Variants in STPG2 observed in about 807,000 individuals in gnomAD.
STPG2 encodes sperm tail PG-rich repeat containing 2, also known as sperm-tail PG-rich repeat-containing protein 2.
In STPG2, 56 loss-of-function variants were observed where a neutral mutation model predicts 54.2. That is an observed-to-expected ratio of 1.03 (90% CI 0.83 to 1.29). STPG2 has a LOEUF of 1.29. Among genes scored for constraint, STPG2 ranks in the 50% most tolerant of loss-of-function variants. The pLI is 0.00. For synonymous variants in STPG2, 200 were observed against 181.8 expected (o/e 1.10, Z -0.81); for missense variants, 596 against 544.9 (o/e 1.09, Z -0.93).
intron 5 of STPG2, among the ~76,000 whole-genome samples, chr4:98,021,089 T>C (rs1014385619): frequency 6.6e-6 from 1 of 152,082 alleles, no homozygotes; most frequent in African/African-American, 2.4e-5. Context: ...CTTGCTTTTC[T>C]AGTTCTTTTA....
chr4:97,762,587 GA>G, intron 9 of STPG2, among the ~76,000 whole-genome samples: 1 of 152,168 alleles, frequency 6.6e-6, no homozygotes, highest in East Asian at 1.9e-4. Context: ...TGCCTCAGGG[GA>G]AAACATACAG....
intron 8 of STPG2, among the ~76,000 whole-genome samples, chr4:97,845,565 C>T (rs1269056439): frequency 1.3e-5 from 2 of 152,110 alleles, no homozygotes; most frequent in Non-Finnish European, 2.9e-5. Context: ...GTTAATTAAA[C>T]ATTTTAAAAC....
intron 8 of STPG2, among the ~76,000 whole-genome samples, chr4:97,925,715 T>C (rs1390508786): frequency 6.6e-6 from 1 of 152,174 alleles, no homozygotes; most frequent in Non-Finnish European, 1.5e-5. Context: ...TTGATTCTTA[T>C]TCAGCTGAAA....
At chr4:97,923,239 C>CG (rs1356800631) in intron 8 of STPG2, among the ~76,000 whole-genome samples, 6 of 152,280 alleles carry the variant, frequency 3.9e-5, no homozygotes, top group South Asian at 4.1e-4. Context: ...CCTCAGCCTG[C>CG]GGGGGGGTGT....
chr4:97,879,664 T>C (rs993918989), intron 8 of STPG2, among the ~76,000 whole-genome samples: 3 of 152,134 alleles, frequency 2.0e-5, no homozygotes, highest in African/African-American at 4.8e-5. Context: ...TAAGATTTGG[T>C]TGTGGACACA....
chr4:97,475,722 AC>A (rs1314414432), intron 4 of STPG2, among the ~76,000 whole-genome samples: 16 of 152,214 alleles, frequency 1.1e-4, no homozygotes, highest in Non-Finnish European at 2.2e-4. Flanking sequence ...TACCATGAAT[AC>A]TTTGACCTTA....
chr4:97,808,852 G>C (rs1413923446), intron 9 of STPG2, among the ~76,000 whole-genome samples: 1 of 151,592 alleles, frequency 6.6e-6, no homozygotes, highest in Non-Finnish European at 1.5e-5. Flanking sequence ...TGCATACACA[G>C]ACTCTCAAGC....
In STPG2 at chr4:97,782,469, G is replaced by A. The variant is rs921729621; in HGVS notation, c.1204+58304C>T. Among the ~76,000 whole-genome samples the A allele has an allele frequency of 4.6e-4, 70 of 152,256 alleles. 1 individual carries two copies. The highest frequency in any genetic ancestry group is 9.1e-4 in the Non-Finnish European group (62 of 68,012). On this transcript the variant is annotated intron_variant, in intron 9 of 10. Coordinates refer to ENST00000295268, the MANE Select transcript of STPG2 (RefSeq NM_174952.3). Reference sequence around the variant, plus strand: ...GAAGAACATTCCATGCTCATGGATAGGAAGAATCAATATTGTGAAAATGGC... The same window carrying A: ...GAAGAACATTCCATGCTCATGGATAAGAAGAATCAATATTGTGAAAATGGC...
chr4:97,955,739 A>C (rs1733650957), intron 7 of STPG2, among the ~76,000 whole-genome samples: 1 of 152,234 alleles, frequency 6.6e-6, no homozygotes, highest in Admixed American at 6.5e-5. Flanking sequence ...GACACATCAA[A>C]GGTTAAAAAC....
intron 4 of STPG2, among the ~76,000 whole-genome samples, chr4:97,523,166 A>C (rs548288758): frequency 6.6e-5 from 10 of 152,100 alleles, no homozygotes; most frequent in Non-Finnish European, 1.5e-4. Flanking sequence ...TATAGCTTAG[A>C]AGCATAATTT....
intron 10 of STPG2, among the ~76,000 whole-genome samples, chr4:97,658,470 T>C (rs1722281121): frequency 6.6e-6 from 1 of 152,280 alleles, no homozygotes; most frequent in South Asian, 2.1e-4. Flanking sequence ...AAGTGTGACA[T>C]AGGTGAAGGA....
At chr4:98,086,575 G>C (rs766295400) in intron 5 of STPG2, among the ~76,000 whole-genome samples, 2 of 142,388 alleles carry the variant, frequency 1.4e-5, no homozygotes, top group African/African-American at 2.6e-5. Flanking sequence ...CTCACTACCT[G>C]AATCCAAATA....
chr4:97,716,097 T>C (rs1724279085), intron 9 of STPG2, among the ~76,000 whole-genome samples: 1 of 152,088 alleles, frequency 6.6e-6, no homozygotes, highest in Non-Finnish European at 1.5e-5. Context: ...AAAAAGCTCA[T>C]CATCACTGGT....
chr4:97,639,163 C>T (rs929696078), intron 10 of STPG2, among the ~76,000 whole-genome samples: 2 of 151,792 alleles, frequency 1.3e-5, no homozygotes, highest in African/African-American at 4.8e-5. Flanking sequence ...TACTATGCAG[C>T]CATAAAAAAT....
chr4:98,082,335 C>T (rs901399489), intron 5 of STPG2, among the ~76,000 whole-genome samples: 7 of 140,202 alleles, frequency 5.0e-5, no homozygotes, highest in Non-Finnish European at 9.4e-5. Flanking sequence ...AGTACTGCCA[C>T]AGACAGGAGA....
chr4:98,097,117 T>G (rs551277027), intron 5 of STPG2, among the ~76,000 whole-genome samples: 4 of 152,198 alleles, frequency 2.6e-5, no homozygotes, highest in Admixed American at 2.6e-4. Flanking sequence ...TCCAAACTCA[T>G]TCTATGAGGC....
At position 98,106,055 on chromosome 4, in the gene STPG2, T is replaced by C; in HGVS notation, c.510A>G (p.Thr170=). ...PGQYDIVQKK[T]SYYENVNIKR... ...TGATGTTAACATTTTCATAATATGA[T>C]GTCTTTTTCCTTCAGAAAATTCAAA... Residue 170 remains threonine, a synonymous_variant, in exon 5 of 11, where the codon ACA becomes ACG. Transcript: ENST00000295268. 6.8e-7 allele frequency: 1 copy of C among 1,471,952 alleles called. No homozygotes were observed. The highest frequency in any genetic ancestry group is 9.2e-7 in the Non-Finnish European group (1 of 1,081,264). 91.2% of individuals were successfully genotyped at this position (1,471,952 alleles called of 1,614,324 possible). A position where few individuals can be genotyped will look rare whatever the true frequency, so the allele number is the denominator to read the frequency against.
chr4:97,574,606 GAA>G (rs1732677983), intron 10 of STPG2, among the ~76,000 whole-genome samples: 1 of 152,006 alleles, frequency 6.6e-6, no homozygotes, highest in Admixed American at 6.6e-5. Flanking sequence ...GCCTTTAGGA[GAA>G]GAGAGGGATT....
Position 97,712,731 on chromosome 4 carries a change from T to G in STPG2, c.1288A>C (p.Lys430Gln). 5.0e-6 allele frequency: 8 copies of G among 1,606,932 alleles called. No individual in the cohort carries two copies. The highest frequency in any genetic ancestry group is 6.8e-6 in the Non-Finnish European group (8 of 1,175,766). The change falls in exon 10 of 11, where the codon AAA (lysine) becomes CAA (glutamine). Residue 430 changes from lysine to glutamine, a missense_variant. Transcript: ENST00000295268. Reference sequence around the variant, plus strand: ...GTTGCTGGGCCTGGAGTAATCTCTTTGGACTCTTCAAAGCGCTTTGATGCT... The same window carrying G: ...GTTGCTGGGCCTGGAGTAATCTCTTGGGACTCTTCAAAGCGCTTTGATGCT... ...VKASKRFEES[K>Q]EITPGPATYE...
Sources: allele counts gnomAD v4.1 joint callset (sites outside exome capture counted in the v4.1 genomes callset), GRCh38; gene constraint gnomAD v4.1.1; transcripts MANE v1.5; gene names NCBI Gene and HGNC (gene_info 2026-07-23, HGNC 2026-07-21).